The following SIPA1L1 variants were observed in gnomAD, a reference collection of about 807,000 sequenced individuals.
SIPA1L1 encodes the protein signal induced proliferation associated 1 like 1, also known as signal-induced proliferation-associated 1-like protein 1.
In SIPA1L1, 26 loss-of-function variants were observed where a neutral mutation model predicts 162.7. That is an observed-to-expected ratio of 0.16 (90% CI 0.12 to 0.22). The LOEUF (loss-of-function observed/expected upper bound fraction) is 0.22, where lower values mean the gene tolerates loss of function less well. SIPA1L1 is among the 10% of genes least tolerant of loss of function. The pLI is 1.00. For missense variants in SIPA1L1, 1,874 were observed against 2,241.0 expected (o/e 0.84, Z 3.31); for synonymous variants, 829 against 837.4 (o/e 0.99, Z 0.17).
At chr14:71,678,972 A>C (rs2045508234) in intron 12 of SIPA1L1, among the ~76,000 whole-genome samples, 2 of 152,120 alleles carry the variant, frequency 1.3e-5, no homozygotes, top group African/African-American at 2.4e-5. Context: ...GGTGTACCTG[A>C]AAGTGACGGG....
intron 2 of SIPA1L1, among the ~76,000 whole-genome samples, chr14:71,471,537 C>G (rs1484067041): frequency 6.6e-6 from 1 of 152,170 alleles, no homozygotes; most frequent in Non-Finnish European, 1.5e-5. Flanking sequence ...GAGGCACATC[C>G]TCGAACAAGA....
At chr14:71,673,596 T>C (rs1396141918) in intron 12 of SIPA1L1, among the ~76,000 whole-genome samples, 1 of 152,176 alleles carries the variant, frequency 6.6e-6, no homozygotes, top group African/African-American at 2.4e-5. Context: ...TATATGTGTG[T>C]GTGTGTGCGT....
At chr14:71,577,427 A>G (rs1409004958) in intron 4 of SIPA1L1, among the ~76,000 whole-genome samples, 10 of 147,838 alleles carry the variant, frequency 6.8e-5, no homozygotes, top group Non-Finnish European at 1.5e-4. Flanking sequence ...CCCAGGCTGG[A>G]GTTCAGTGGT....
rs149164183 is a variant in SIPA1L1, at chr14:71,712,695, C to G, written c.4208+3031C>G. 1.4e-3 allele frequency among the ~76,000 whole-genome samples: 219 copies of G among 152,318 alleles called. 2 individuals are homozygous for G. The highest frequency in any genetic ancestry group is 5.1e-3 in the African/African-American group (214 of 41,564). ...ACCTCCTCAGTTAGTCCAAAATCCT[C>G]TAGACCTGCTGACCAATGCTGTTTC... On this transcript the variant is annotated intron_variant, in intron 17 of 23. Transcript: ENST00000381232.
intron 2 of SIPA1L1, among the ~76,000 whole-genome samples, chr14:71,344,751 G>T (rs1010934871): frequency 6.6e-6 from 1 of 152,002 alleles, no homozygotes; most frequent in African/African-American, 2.4e-5. Flanking sequence ...TGGTAGAGAC[G>T]GACGGGGTTT....
At chr14:71,445,671 C>G (rs573186813) in intron 2 of SIPA1L1, among the ~76,000 whole-genome samples, 28 of 152,192 alleles carry the variant, frequency 1.8e-4, no homozygotes, top group Admixed American at 5.2e-4. Context: ...GTAAATATTT[C>G]CAACATTTGT....
At position 71,730,071 on chromosome 14, in the gene SIPA1L1, C is replaced by G; in HGVS notation, c.4631C>G (p.Ser1544Cys). The change falls in exon 20 of 24, where the codon TCT becomes TGT. Residue 1544 changes from serine (S) to cysteine (C), a missense_variant. Ser to Cys is a moderately radical substitution (Grantham distance 112). Around this residue, in one of 5 missense-constraint regions of SIPA1L1, gnomAD observed 936 missense variants for 1,051.9 expected, o/e 0.89. Coordinates refer to ENST00000381232, the MANE Select transcript of SIPA1L1 (RefSeq NM_001386936.1). ...QKSFKFHALS[S>C]PQSPFPSTPT... is the part of the protein sequence containing the mutation. Reference sequence around the variant, plus strand: ...GTTTTTCAGTTCCACGCACTCTCCTCTCCTCAGTCTCCTTTCCCCAGCACC... The same window carrying G: ...GTTTTTCAGTTCCACGCACTCTCCTGTCCTCAGTCTCCTTTCCCCAGCACC... 6.2e-7 allele frequency: 1 copy of G among 1,614,124 alleles called. No individual in the cohort carries two copies.
At chr14:71,720,517 C>G (rs1373272532) in intron 17 of SIPA1L1, among the ~76,000 whole-genome samples, 1 of 151,976 alleles carries the variant, frequency 6.6e-6, no homozygotes, top group African/African-American at 2.4e-5. Context: ...TTGCAGTGAG[C>G]CAAGATAGTG....
chr14:71,727,667 G>A (rs907665557), intron 19 of SIPA1L1, among the ~76,000 whole-genome samples: 15 of 152,160 alleles, frequency 9.9e-5, no homozygotes, highest in African/African-American at 3.6e-4. Context: ...CACTTCCAGT[G>A]CCATCCCACT....
At chr14:71,706,390 ATATAT>A (rs2082439514) in intron 16 of SIPA1L1, among the ~76,000 whole-genome samples, 1 of 152,210 alleles carries the variant, frequency 6.6e-6, no homozygotes, top group Non-Finnish European at 1.5e-5. Flanking sequence ...GCTAGATAAA[ATATAT>A]TATTAAAATT....
At chr14:71,629,447 C>T (rs2040356130) in intron 7 of SIPA1L1, among the ~76,000 whole-genome samples, 1 of 152,338 alleles carries the variant, frequency 6.6e-6, no homozygotes, top group African/African-American at 2.4e-5. Context: ...CCTGCATTCT[C>T]AACCAGTACA....
intron 4 of SIPA1L1, among the ~76,000 whole-genome samples, chr14:71,535,945 G>A (rs1181807682): frequency 6.6e-6 from 1 of 152,084 alleles, no homozygotes; most frequent in East Asian, 1.9e-4. Flanking sequence ...TTAACATAGT[G>A]TATCTGTCCC....
At chr14:71,632,974 A>G (rs1567356313) in intron 7 of SIPA1L1, among the ~76,000 whole-genome samples, 1 of 152,190 alleles carries the variant, frequency 6.6e-6, no homozygotes. Context: ...TATACCAACA[A>G]TTGGGAAAAT....
chr14:71,490,684 A>T (rs1377960525), intron 2 of SIPA1L1, among the ~76,000 whole-genome samples: 1 of 152,244 alleles, frequency 6.6e-6, no homozygotes, highest in East Asian at 1.9e-4. Context: ...ACAAAGTGTC[A>T]TACAGCAACA....
At chr14:71,460,916 G>T (rs540000359) in intron 2 of SIPA1L1, among the ~76,000 whole-genome samples, 1 of 152,142 alleles carries the variant, frequency 6.6e-6, no homozygotes, top group African/African-American at 2.4e-5. Flanking sequence ...CCATTCCACC[G>T]TTCTATCAAT....
At chr14:71,422,881 A>G (rs1366515380) in intron 2 of SIPA1L1, among the ~76,000 whole-genome samples, 1 of 152,210 alleles carries the variant, frequency 6.6e-6, no homozygotes, top group African/African-American at 2.4e-5. Context: ...GTTCTATTAA[A>G]AAATTTTGAT....
intron 23 of SIPA1L1, 123 bp from the exon 24 acceptor site, chr14:71,738,895 G>A (rs1037724022): frequency 3.4e-6 from 4 of 1,169,036 alleles, no homozygotes; most frequent in South Asian, 1.6e-5. Context: ...TTAGACAGGT[G>A]TTTGGAGGAA....
intron 2 of SIPA1L1, chr14:71,414,242 G>C (rs991799094): frequency 2.0e-5 from 3 of 152,332 alleles, no homozygotes; most frequent in African/African-American, 7.2e-5. Context: ...AGCTGGGTGT[G>C]GTGGCACACA....
chr14:71,633,966 C>G (rs1231335590), intron 7 of SIPA1L1, among the ~76,000 whole-genome samples: 1 of 151,164 alleles, frequency 6.6e-6, no homozygotes, highest in Admixed American at 6.6e-5. Context: ...TAAACCCACA[C>G]ATGACAGAAA....
Sources: gnomAD v4.1 joint callset for allele counts (sites outside exome capture counted in the v4.1 genomes callset) on GRCh38, gnomAD v4.1.1 for gene constraint, gnomAD v4.1.1 regional missense constraint, MANE v1.5 for transcripts, NCBI Gene and HGNC (gene_info 2026-07-23, HGNC 2026-07-21) for gene names.